Variants in ANKFN1 observed in about 807,000 individuals in gnomAD.
ANKFN1 encodes the protein ankyrin repeat and fibronectin type-III domain-containing protein 1.
ANKFN1 carries 74 observed loss-of-function variants against 108.7 expected under a neutral mutation model. The observed-to-expected ratio is 0.68, with a 90% CI of 0.56 to 0.83. ANKFN1 has a LOEUF of 0.83. Ranked by LOEUF, ANKFN1 falls within the 40% of genes least tolerant of loss-of-function variation. The probability of loss-of-function intolerance (pLI) is 0.00; values close to 1 mark genes in which losing one functional copy is unlikely to be tolerated. For missense variants in ANKFN1, 1,505 were observed against 1,382.3 expected, an observed-to-expected ratio of 1.09 and a Z score of -1.41; for synonymous variants, 547 against 516.2, an observed-to-expected ratio of 1.06 and a Z score of -0.81.
At chr17:56,486,497 T>C (rs187630725) in intron 18 of ANKFN1, among the ~76,000 whole-genome samples, 3 of 152,310 alleles carry the variant, frequency 2.0e-5, no homozygotes, top group East Asian at 3.9e-4. Context: ...ATCAGAGCTT[T>C]CCAAGAGGAA....
upstream of ANKFN1, among the ~76,000 whole-genome samples, chr17:56,149,293 G>A (rs1908454711): frequency 6.6e-6 from 1 of 152,232 alleles, no homozygotes; most frequent in African/African-American, 2.4e-5. Flanking sequence ...ATAGTAATAG[G>A]AATTTGAAAT....
intron 7 of ANKFN1, among the ~76,000 whole-genome samples, chr17:56,373,111 G>A (rs967504785): frequency 9.8e-5 from 15 of 152,304 alleles, no homozygotes; most frequent in African/African-American, 3.1e-4. Context: ...CTTTCCATCC[G>A]CTACGCCCTA....
At chr17:56,362,536 T>C (rs2046549605) in intron 6 of ANKFN1, among the ~76,000 whole-genome samples, 1 of 152,218 alleles carries the variant, frequency 6.6e-6, no homozygotes, top group Non-Finnish European at 1.5e-5. Flanking sequence ...TTGGGAAAAC[T>C]GTATATCCAC....
At chr17:56,466,107 A>G (rs1048564073) in intron 14 of ANKFN1, among the ~76,000 whole-genome samples, 3 of 152,214 alleles carry the variant, frequency 2.0e-5, no homozygotes, top group African/African-American at 7.2e-5. Flanking sequence ...TTAAAAAAAC[A>G]TAATTTTTAT....
chr17:56,274,691 A>T (rs2144203397), intron 3 of ANKFN1, among the ~76,000 whole-genome samples: 1 of 152,214 alleles, frequency 6.6e-6, no homozygotes, highest in East Asian at 1.9e-4. Context: ...TCCTAGGGTA[A>T]CCTAACTCTA....
chr17:56,169,902 G>T (rs1910496338), intron 1 of ANKFN1, among the ~76,000 whole-genome samples: 1 of 152,110 alleles, frequency 6.6e-6, no homozygotes, highest in South Asian at 2.1e-4. Flanking sequence ...TAATCAAGTG[G>T]GTACATTGAC....
At chr17:56,181,361 G>A (rs1598191280) in intron 1 of ANKFN1, among the ~76,000 whole-genome samples, 1 of 152,260 alleles carries the variant, frequency 6.6e-6, no homozygotes, top group East Asian at 1.9e-4. Flanking sequence ...TATCAAGCAC[G>A]TACTGTGTGC....
chr17:56,163,164 C>T (rs1049703963), intron 1 of ANKFN1, among the ~76,000 whole-genome samples: 4 of 152,180 alleles, frequency 2.6e-5, no homozygotes, highest in East Asian at 1.9e-4. Flanking sequence ...TCCCCCAGCC[C>T]GTTCTTTCTC....
chr17:56,380,972 C>T lies in ANKFN1; in HGVS notation c.910+6258C>T, dbSNP rs544545816. Among the ~76,000 whole-genome samples the T allele has an allele frequency of 7.0e-4, 107 of 152,346 alleles. No individual in the cohort carries two copies. In the South Asian group the frequency reaches 0.022, roughly 31 times the overall value. On this transcript the variant is annotated intron_variant, in intron 8 of 20. Coordinates refer to ENST00000682825, the MANE Select transcript of ANKFN1 (RefSeq NM_001370326.1). ...ATGCAGCTGGAGATCTGAGAACGGGCAGACTGCCTCCTCAAGTGGGTCCCT... is the reference window on the plus strand; with the variant it reads ...ATGCAGCTGGAGATCTGAGAACGGGTAGACTGCCTCCTCAAGTGGGTCCCT...
At chr17:56,179,103 G>A (rs1911441660) in intron 1 of ANKFN1, among the ~76,000 whole-genome samples, 1 of 152,050 alleles carries the variant, frequency 6.6e-6, no homozygotes, top group African/African-American at 2.4e-5. Flanking sequence ...TTTTTTGAGG[G>A]TGGTGAGATG....
chr17:56,393,394 C>G (rs1031811620), intron 8 of ANKFN1, among the ~76,000 whole-genome samples: 1 of 152,210 alleles, frequency 6.6e-6, no homozygotes, highest in East Asian at 1.9e-4. Context: ...CAGCCACTTA[C>G]ATCCTCTGTA....
chr17:56,443,335 C>T (rs2049176770), intron 10 of ANKFN1, among the ~76,000 whole-genome samples: 1 of 152,124 alleles, frequency 6.6e-6, no homozygotes, highest in African/African-American at 2.4e-5. Flanking sequence ...CACTGCACTC[C>T]AGCCTGGGTG....
chr17:56,212,292 A>G (rs1425341724), intron 1 of ANKFN1, among the ~76,000 whole-genome samples: 3 of 152,006 alleles, frequency 2.0e-5, no homozygotes, highest in Non-Finnish European at 4.4e-5. Context: ...GTCTATTGAG[A>G]TCACCATGTA....
chr17:56,363,494 A>G (rs2046580106), intron 6 of ANKFN1, among the ~76,000 whole-genome samples: 1 of 152,206 alleles, frequency 6.6e-6, no homozygotes, highest in Non-Finnish European at 1.5e-5. Context: ...TAGCACAGCC[A>G]TTATGAAAAC....
At chr17:56,285,992 A>G (rs2044207384) in intron 3 of ANKFN1, among the ~76,000 whole-genome samples, 1 of 152,110 alleles carries the variant, frequency 6.6e-6, no homozygotes, top group African/African-American at 2.4e-5. Context: ...TATTTTAATT[A>G]TACCCCCTTT....
intron 1 of ANKFN1, among the ~76,000 whole-genome samples, chr17:56,190,314 A>AT (rs1912771050): frequency 7.6e-6 from 1 of 132,246 alleles, no homozygotes; most frequent in South Asian, 2.8e-4. Flanking sequence ...TAGGGTGTCA[A>AT]TTTTGGATCT....
intron 6 of ANKFN1, among the ~76,000 whole-genome samples, chr17:56,362,694 T>C (rs1250162872): frequency 2.0e-5 from 3 of 152,124 alleles, no homozygotes; most frequent in Non-Finnish European, 2.9e-5. Flanking sequence ...GTCCAGGCAA[T>C]GATCTTTTGC....
chr17:56,155,531 G>T (rs1302952002), intron 1 of ANKFN1, among the ~76,000 whole-genome samples: 8 of 152,208 alleles, frequency 5.3e-5, no homozygotes, highest in African/African-American at 1.9e-4. Flanking sequence ...GGTCAGGAAG[G>T]TTCTCTTTGA....
At chr17:56,460,128 T>C (rs1000893181) in intron 14 of ANKFN1, among the ~76,000 whole-genome samples, 6 of 151,846 alleles carry the variant, frequency 4.0e-5, no homozygotes, top group African/African-American at 1.2e-4. Context: ...TCACACGTAA[T>C]GTTAGTGGTC....
Sources: gnomAD v4.1 joint callset for allele counts (sites outside exome capture counted in the v4.1 genomes callset) on GRCh38, gnomAD v4.1.1 for gene constraint, MANE v1.5 for transcripts, NCBI Gene and HGNC (gene_info 2026-07-23, HGNC 2026-07-21) for gene names.